HMGCLL1: variants seen among roughly 807,000 people sequenced by gnomAD.
HMGCLL1 encodes 3-hydroxy-3-methylglutaryl-CoA lyase like 1.
A neutral mutation model predicts 39.1 loss-of-function variants in HMGCLL1; 36 were observed. The observed-to-expected ratio is 0.92, with a 90% CI of 0.71 to 1.22. HMGCLL1 has a LOEUF of 1.22. Among genes scored for constraint, HMGCLL1 ranks in the 50% most tolerant of loss-of-function variants. The pLI, the probability that HMGCLL1 is intolerant of heterozygous loss-of-function variation, is 0.00. For synonymous variants in HMGCLL1, 149 were observed against 144.0 expected (o/e 1.03, Z -0.25); for missense variants, 451 against 416.5 (o/e 1.08, Z -0.72).
intron 1 of HMGCLL1, among the ~76,000 whole-genome samples, chr6:55,561,565 G>A (rs1033225823): frequency 6.6e-6 from 1 of 152,122 alleles, no homozygotes; most frequent in African/African-American, 2.4e-5. Context: ...CCAGCTCACA[G>A]ATGATGGTGA....
intron 3 of HMGCLL1, among the ~76,000 whole-genome samples, chr6:55,533,778 CG>C (rs1328780551): frequency 1.4e-4 from 20 of 145,834 alleles, no homozygotes; most frequent in African/African-American, 5.0e-4. Context: ...CCCAGCTACT[CG>C]GGAGGCTGAG....
At chr6:55,601,043 A>G in the HMGCLL1 span, among the ~76,000 whole-genome samples, 2 of 152,214 alleles carry the variant, frequency 1.3e-5, no homozygotes, top group African/African-American at 4.8e-5. Context: ...TTTTATGTCA[A>G]TGTAATATAT....
chr6:55,504,222 T>A (rs1767040512), intron 5 of HMGCLL1, among the ~76,000 whole-genome samples: 1 of 151,736 alleles, frequency 6.6e-6, no homozygotes, highest in Admixed American at 6.6e-5. Flanking sequence ...GTCTTTGCTC[T>A]TTGTAGATTC....
chr6:55,617,769 C>T, the HMGCLL1 span, among the ~76,000 whole-genome samples: 5 of 152,032 alleles, frequency 3.3e-5, no homozygotes, highest in Admixed American at 3.3e-4. Flanking sequence ...AATTCCCCTT[C>T]TAGAGAGCTC....
intron 1 of HMGCLL1, among the ~76,000 whole-genome samples, chr6:55,544,485 A>G (rs1769842502): frequency 6.6e-6 from 1 of 152,160 alleles, no homozygotes; most frequent in African/African-American, 2.4e-5. Context: ...CAGAACCTGT[A>G]CTTCAAAAGT....
At chr6:55,580,395 C>CTTTT (rs1771955363), upstream of HMGCLL1, among the ~76,000 whole-genome samples, 1 of 100,608 alleles carries the variant, frequency 9.9e-6, no homozygotes, top group Non-Finnish European at 2.2e-5. Context: ...TTTTTTTTTT[C>CTTTT]TTTTTTCTTT....
chr6:55,644,153 T>A, the HMGCLL1 span, among the ~76,000 whole-genome samples: 1 of 152,074 alleles, frequency 6.6e-6, no homozygotes, highest in African/African-American at 2.4e-5. Context: ...TCTCTGAAGA[T>A]CAGTGATGTT....
intron 7 of HMGCLL1, among the ~76,000 whole-genome samples, chr6:55,444,093 T>A (rs1763717134): frequency 6.6e-6 from 1 of 152,134 alleles, no homozygotes; most frequent in African/African-American, 2.4e-5. Context: ...TTATAATTTG[T>A]ACACATTTCC....
chr6:55,529,362 A>G (rs1254973577), intron 3 of HMGCLL1, among the ~76,000 whole-genome samples: 1 of 152,158 alleles, frequency 6.6e-6, no homozygotes, highest in Non-Finnish European at 1.5e-5. Context: ...CAGACTGTAA[A>G]CAAAGTTTCC....
At chr6:55,478,853 ATT>A (rs146054242) in intron 7 of HMGCLL1, among the ~76,000 whole-genome samples, 25 of 148,594 alleles carry the variant, frequency 1.7e-4, no homozygotes, top group Non-Finnish European at 1.0e-4. Flanking sequence ...ATTTCACATC[ATT>A]TTTTTTTTCA....
chr6:55,594,740 T>TC, the HMGCLL1 span, among the ~76,000 whole-genome samples: 8 of 152,138 alleles, frequency 5.3e-5, no homozygotes, highest in African/African-American at 1.9e-4. Context: ...GCCCTGATGG[T>TC]CCCTTGGTTT....
chr6:55,515,267 A>T (rs1365261047), intron 4 of HMGCLL1, among the ~76,000 whole-genome samples: 1 of 150,490 alleles, frequency 6.6e-6, no homozygotes, highest in African/African-American at 2.5e-5. Flanking sequence ...AAAAAAAAAA[A>T]ATACATGGGG....
At chr6:55,454,943 T>A (rs4712104) in intron 7 of HMGCLL1, among the ~76,000 whole-genome samples, 126,411 of 151,948 alleles carry the variant, frequency 0.83, 52,639 homozygotes, top group East Asian at 0.93. Context: ...TGTATGCTAT[T>A]AAGTACAAAA....
At chr6:55,589,891 C>G in the HMGCLL1 span, among the ~76,000 whole-genome samples, 3 of 151,686 alleles carry the variant, frequency 2.0e-5, no homozygotes, top group East Asian at 1.9e-4. Context: ...CACTGCTCAA[C>G]GAAATAAAAG....
chr6:55,489,414 G>T (rs1766202667), intron 7 of HMGCLL1, among the ~76,000 whole-genome samples: 1 of 151,636 alleles, frequency 6.6e-6, no homozygotes. Context: ...GCCAAGGGAA[G>T]AATCATATCA....
intron 1 of HMGCLL1, chr6:55,577,263 T>G: frequency 6.9e-7 from 1 of 1,458,830 alleles, no homozygotes; most frequent in Non-Finnish European, 9.3e-7. Flanking sequence ...TCAACAGTAT[T>G]GGAACTAAAA....
chr6:55,616,898 C>CA, the HMGCLL1 span, among the ~76,000 whole-genome samples: 1 of 150,990 alleles, frequency 6.6e-6, no homozygotes, highest in Non-Finnish European at 1.5e-5. Context: ...ACTTCAAGAA[C>CA]AAAAAAAGAT....
At chr6:55,440,630 T>C (rs1289774460) in intron 7 of HMGCLL1, among the ~76,000 whole-genome samples, 1 of 152,050 alleles carries the variant, frequency 6.6e-6, no homozygotes, top group Non-Finnish European at 1.5e-5. Context: ...GATTCTTCAC[T>C]CTTGGGCATT....
At chr6:55,510,794 T>C (rs1045051532) in intron 5 of HMGCLL1, among the ~76,000 whole-genome samples, 1 of 150,138 alleles carries the variant, frequency 6.7e-6, no homozygotes, top group East Asian at 1.9e-4. Context: ...AGTATAATAA[T>C]AATAATAAAT....
Sources: gnomAD v4.1 joint callset for allele counts (sites outside exome capture counted in the v4.1 genomes callset) on GRCh38, gnomAD v4.1.1 for gene constraint, MANE v1.5 for transcripts, NCBI Gene and HGNC (gene_info 2026-07-23, HGNC 2026-07-21) for gene names.